Variants in CPEB3 observed in about 807,000 individuals in gnomAD.
CPEB3 encodes the protein cytoplasmic polyadenylation element-binding protein 3.
Under a neutral mutation model 67.2 loss-of-function variants are expected in CPEB3, and 20 were observed. The ratio of observed to expected loss-of-function variants is 0.30; its 90% confidence interval spans 0.21 to 0.43. The LOEUF (loss-of-function observed/expected upper bound fraction) is 0.43, where lower values mean the gene tolerates loss of function less well. CPEB3 is among the 20% of genes least tolerant of loss of function. CPEB3 has a pLI of 1.00. For missense variants in CPEB3, 746 were observed against 968.6 expected (o/e 0.77, Z 3.05); for synonymous variants, 376 against 393.1 (o/e 0.96, Z 0.51).
intron 1 of CPEB3, among the ~76,000 whole-genome samples, chr10:92,251,134 T>C (rs1369514728): frequency 6.6e-6 from 1 of 152,160 alleles, no homozygotes; most frequent in Non-Finnish European, 1.5e-5. Context: ...GCTGTACACG[T>C]TTGTAAGCTA....
intron 9 of CPEB3, among the ~76,000 whole-genome samples, chr10:92,080,001 C>T (rs1156815321): frequency 2.0e-5 from 3 of 151,534 alleles, no homozygotes. Flanking sequence ...GAGATCGAGA[C>T]CATCCTGGCT....
chr10:92,203,653 G>C (rs1461380600), intron 2 of CPEB3, among the ~76,000 whole-genome samples: 1 of 151,556 alleles, frequency 6.6e-6, no homozygotes. Context: ...CCTGAACTCA[G>C]GTGATTCACC....
intron 1 of CPEB3, among the ~76,000 whole-genome samples, chr10:92,271,694 G>A (rs942420994): frequency 6.6e-6 from 1 of 152,302 alleles, no homozygotes; most frequent in African/African-American, 2.4e-5. Flanking sequence ...ATTTAACTTT[G>A]ATCACTTGGT....
chr10:92,252,114 A>G (rs1210064262), intron 1 of CPEB3, among the ~76,000 whole-genome samples: 1 of 152,102 alleles, frequency 6.6e-6, no homozygotes, highest in Non-Finnish European at 1.5e-5. Flanking sequence ...CAATAAGAGT[A>G]AATATCCCCC....
In CPEB3 at chr10:92,203,523, TATATA is replaced by T. The variant is rs1441427757; in HGVS notation, c.1006-10892_1006-10888del. On this transcript the variant is annotated intron_variant, in intron 2 of 9. Coordinates refer to ENST00000265997, the MANE Select transcript of CPEB3 (RefSeq NM_014912.5). ...ATATGTGTGTGTATATATATATATATATATATTTTTTTTTTAGAGGTGTAGCTGGG... is the reference window on the plus strand; with the variant it reads ...ATATGTGTGTGTATATATATATATATTTTTTTTTTTAGAGGTGTAGCTGGG... Among the ~76,000 whole-genome samples the T allele has an allele frequency of 2.0e-3, 222 of 111,780 alleles. 2 individuals are homozygous for T. The highest frequency in any genetic ancestry group is 7.6e-3 in the African/African-American group (215 of 28,200). The allele number at this position is 111,780 out of a possible 152,430, so 73.3% of individuals were successfully genotyped here.
chr10:92,047,913 GC>G lies in CPEB3; in HGVS notation c.*4298del, dbSNP rs1852157832. 1 of 152,228 alleles carries G rather than the reference GC, an allele frequency of 6.6e-6. No individual in the cohort carries two copies. Among genetic ancestry groups the G allele is most frequent in the South Asian group, 2.1e-4 (1 of 4,834 alleles). The allele number at this position is 152,228 out of a possible 1,614,324, so 9.4% of individuals were successfully genotyped here. On this transcript the variant is annotated 3_prime_UTR_variant, in exon 10 of 10. Coordinates refer to ENST00000265997, the MANE Select transcript of CPEB3 (RefSeq NM_014912.5). Reference sequence around the variant, plus strand: ...GTTCTGTTTACGCAACACCAGTTTTGCAGTTGTAGTTTTTGCTTTGACTGTA... The same window carrying G: ...GTTCTGTTTACGCAACACCAGTTTTGAGTTGTAGTTTTTGCTTTGACTGTA...
At chr10:92,106,814 CAAAAAAAAAA>C (rs531195477) in intron 7 of CPEB3, among the ~76,000 whole-genome samples, 15 of 55,988 alleles carry the variant, frequency 2.7e-4, no homozygotes, top group Middle Eastern at 0.011. Flanking sequence ...GACTCTGTCT[CAAAAAAAAAA>C]AAAAAAAAAA....
intron 1 of CPEB3, among the ~76,000 whole-genome samples, chr10:92,247,947 T>C (rs1183821768): frequency 6.6e-6 from 1 of 152,178 alleles, no homozygotes; most frequent in Non-Finnish European, 1.5e-5. Flanking sequence ...TAGGCTGGAG[T>C]GCAGTGGTGT....
chr10:92,077,590 C>T (rs1332228069), intron 9 of CPEB3, among the ~76,000 whole-genome samples: 1 of 152,030 alleles, frequency 6.6e-6, no homozygotes, highest in Non-Finnish European at 1.5e-5. Flanking sequence ...AACCTTATTT[C>T]TACCAAAAAT....
chr10:92,217,780 A>T (rs183374374), intron 2 of CPEB3, among the ~76,000 whole-genome samples: 190 of 152,370 alleles, frequency 1.2e-3, no homozygotes, highest in East Asian at 8.5e-3. Flanking sequence ...TAATAAAAAA[A>T]AAATAAATTC....
At chr10:92,184,994 A>T (rs925384321) in intron 3 of CPEB3, among the ~76,000 whole-genome samples, 2 of 152,206 alleles carry the variant, frequency 1.3e-5, no homozygotes, top group African/African-American at 4.8e-5. Flanking sequence ...TTATTAAGGA[A>T]TTTTGGAGGA....
At chr10:92,124,866 C>A (rs770920413) in intron 6 of CPEB3, among the ~76,000 whole-genome samples, 23 of 152,246 alleles carry the variant, frequency 1.5e-4, no homozygotes, top group Non-Finnish European at 3.1e-4. Flanking sequence ...ATAAATGCTA[C>A]ACTGCAGCCC....
chr10:92,196,506 C>T (rs1293402488), intron 2 of CPEB3, among the ~76,000 whole-genome samples: 1 of 152,266 alleles, frequency 6.6e-6, no homozygotes, highest in East Asian at 1.9e-4. Context: ...CAGTGGCTCA[C>T]GCCTGTAATC....
intron 6 of CPEB3, among the ~76,000 whole-genome samples, chr10:92,128,456 A>G (rs923289483): frequency 9.8e-5 from 15 of 152,332 alleles, no homozygotes; most frequent in Admixed American, 4.6e-4. Flanking sequence ...CAGTTATGGT[A>G]CAAACTCCTT....
At chr10:92,260,699 C>T (rs1852757720) in intron 1 of CPEB3, among the ~76,000 whole-genome samples, 1 of 152,132 alleles carries the variant, frequency 6.6e-6, no homozygotes. Flanking sequence ...TATTCCACCT[C>T]CTGGGCTCAA....
chr10:92,260,430 A>G (rs1852740327), intron 1 of CPEB3, among the ~76,000 whole-genome samples: 2 of 151,800 alleles, frequency 1.3e-5, no homozygotes, highest in Non-Finnish European at 2.9e-5. Context: ...ATGCGCCTGT[A>G]ATCCCAGCTA....
At chr10:92,125,166 CATT>C (rs1222438578) in intron 6 of CPEB3, among the ~76,000 whole-genome samples, 1 of 152,234 alleles carries the variant, frequency 6.6e-6, no homozygotes, top group East Asian at 1.9e-4. Flanking sequence ...GGGTGGGAAT[CATT>C]AGTGCACAAG....
At chr10:92,253,803 T>C (rs560830389) in intron 1 of CPEB3, among the ~76,000 whole-genome samples, 1 of 152,150 alleles carries the variant, frequency 6.6e-6, no homozygotes, top group Admixed American at 6.5e-5. Flanking sequence ...GAGAAAAAAA[T>C]AGTATGATCT....
At chr10:92,119,289 G>T in intron 6 of CPEB3, 5 of 1,507,518 alleles carry the variant, frequency 3.3e-6, no homozygotes, top group Non-Finnish European at 3.7e-6. Flanking sequence ...TGCACTTTCA[G>T]ATCCCCTTGG....
Sources: gnomAD v4.1 joint callset for allele counts (sites outside exome capture counted in the v4.1 genomes callset) on GRCh38, gnomAD v4.1.1 for gene constraint, MANE v1.5 for transcripts, NCBI Gene and HGNC (gene_info 2026-07-23, HGNC 2026-07-21) for gene names.